Variants in KIAA1549L observed in about 807,000 individuals in gnomAD.
KIAA1549L encodes UPF0606 protein KIAA1549L.
A neutral mutation model predicts 160.7 loss-of-function variants in KIAA1549L; 88 were observed. The ratio of observed to expected loss-of-function variants is 0.55; its 90% CI spans 0.46 to 0.65. KIAA1549L has a LOEUF of 0.65. Ranked by LOEUF, KIAA1549L falls within the 30% of genes least tolerant of loss-of-function variation. The pLI, the probability that KIAA1549L is intolerant of heterozygous loss-of-function variation, is 0.00. For missense variants in KIAA1549L, 2,258 were observed against 2,437.5 expected (o/e 0.93, Z 1.55); for synonymous variants, 950 against 976.7 (o/e 0.97, Z 0.51).
At chr11:33,518,674 A>C (rs1853413145) in intron 1 of KIAA1549L, among the ~76,000 whole-genome samples, 1 of 152,170 alleles carries the variant, frequency 6.6e-6, no homozygotes, top group South Asian at 2.1e-4. Flanking sequence ...TGATATTATA[A>C]AGTCTGTTTT....
chr11:33,534,076 T>C (rs1006217928), intron 1 of KIAA1549L, among the ~76,000 whole-genome samples: 1 of 152,152 alleles, frequency 6.6e-6, no homozygotes, highest in Admixed American at 6.6e-5. Flanking sequence ...CTCATATGTG[T>C]AGGATTTACC....
chr11:33,471,421 G>C (rs1322949295), intron 1 of KIAA1549L, among the ~76,000 whole-genome samples: 1 of 151,908 alleles, frequency 6.6e-6, no homozygotes, highest in Non-Finnish European at 1.5e-5. Context: ...GAAGATTAAG[G>C]GGTCACTTGG....
chr11:33,664,381 C>A (rs1179851455), intron 20 of KIAA1549L, among the ~76,000 whole-genome samples: 4 of 152,182 alleles, frequency 2.6e-5, no homozygotes, highest in Non-Finnish European at 4.4e-5. Context: ...ATCTCAGGAA[C>A]CTGCCTTCTC....
At chr11:33,562,310 C>T (rs992482116) in intron 8 of KIAA1549L, among the ~76,000 whole-genome samples, 29 of 152,122 alleles carry the variant, frequency 1.9e-4, no homozygotes, top group Admixed American at 1.8e-3. Flanking sequence ...ACAGTAGTTT[C>T]GGGATTGAGA....
In KIAA1549L at chr11:33,544,210, G is replaced by A. The variant is rs1049446695; in HGVS notation, c.2647G>A (p.Ala883Thr). The A allele has an allele frequency of 1.9e-6, 3 of 1,614,020 alleles. No homozygotes were observed. Residue 883 changes from alanine to threonine, a missense_variant, in exon 2 of 21, where the codon GCT (alanine) becomes ACT (threonine). Physicochemically the swap from Ala to Thr is moderately conservative, Grantham distance 58 (BLOSUM62 0). Transcript: ENST00000658780. Reference sequence around the variant, plus strand: ...CATCAATTCATCACCTGAGAGAAATGCTTCCACACCATTCCAGAACATCTT... The same window carrying A: ...CATCAATTCATCACCTGAGAGAAATACTTCCACACCATTCCAGAACATCTT... ...SDINSSPERN[A>T]STPFQNILGY...
chr11:33,530,414 G>T (rs1344688609), intron 1 of KIAA1549L, among the ~76,000 whole-genome samples: 1 of 16,568 alleles, frequency 6.0e-5, no homozygotes, highest in Non-Finnish European at 1.2e-4. Context: ...GAAGAAGAAG[G>T]AAAAAAAAAA....
chr11:33,456,062 AT>A (rs1851814624), intron 1 of KIAA1549L, among the ~76,000 whole-genome samples: 2 of 152,218 alleles, frequency 1.3e-5, no homozygotes, highest in Admixed American at 1.3e-4. Flanking sequence ...AGATAATGGC[AT>A]TCAATTACAG....
chr11:33,477,986 A>G (rs1318957640), intron 1 of KIAA1549L, among the ~76,000 whole-genome samples: 1 of 152,242 alleles, frequency 6.6e-6, no homozygotes, highest in Admixed American at 6.5e-5. Context: ...AACTACAGGT[A>G]AGACAAGAGG....
intron 16 of KIAA1549L, among the ~76,000 whole-genome samples, chr11:33,630,705 G>A (rs189944985): frequency 0.021 from 3,213 of 152,276 alleles, 131 homozygotes; most frequent in African/African-American, 0.073. Flanking sequence ...AGATGAACCC[G>A]GTACCTCAGA....
intron 1 of KIAA1549L, among the ~76,000 whole-genome samples, chr11:33,539,428 G>C (rs1445719439): frequency 6.6e-6 from 1 of 152,176 alleles, no homozygotes; most frequent in Non-Finnish European, 1.5e-5. Context: ...GGGTAAGGTA[G>C]ATTATGTTTC....
chr11:33,497,977 C>G lies in KIAA1549L; in HGVS notation c.239-43825C>G, dbSNP rs16924378. Among the ~76,000 whole-genome samples the G allele has an allele frequency of 2.9e-4, 44 of 152,074 alleles. No homozygotes were observed. The South Asian group carries it at 6.9e-3, about 24-fold the overall frequency. ...AAAACTTACTGGAGTTTCTCTGAAC[C>G]TTATCTCCTCATCTATAAATACTAG... On this transcript the variant is annotated intron_variant, in intron 1 of 20. Coordinates refer to ENST00000658780, the MANE Select transcript of KIAA1549L (RefSeq NM_012194.3).
intron 13 of KIAA1549L, among the ~76,000 whole-genome samples, chr11:33,604,117 A>G (rs1476515923): frequency 6.6e-6 from 1 of 152,222 alleles, no homozygotes; most frequent in East Asian, 1.9e-4. Flanking sequence ...ATCTATTGCC[A>G]TGTAACAAAT....
chr11:33,651,213 C>T lies in KIAA1549L; in HGVS notation c.5761-4799C>T, dbSNP rs143760813. 7.0e-3 allele frequency among the ~76,000 whole-genome samples: 1,060 copies of T among 152,166 alleles called. 16 individuals are homozygous for T. The highest frequency in any genetic ancestry group is 0.024 in the African/African-American group (1,007 of 41,512). Reference sequence around the variant, plus strand: ...TGAAACTCTGATAAGAATAGTCAGGCGGATCACAAGGTCAGGAGTGCAAGA... The same window carrying T: ...TGAAACTCTGATAAGAATAGTCAGGTGGATCACAAGGTCAGGAGTGCAAGA... On this transcript the variant is annotated intron_variant, in intron 17 of 20. Transcript: ENST00000658780.
chr11:33,669,558 T>G lies in KIAA1549L; in HGVS notation c.*1404T>G, dbSNP rs1852601998. The G allele has an allele frequency of 6.6e-6, 1 of 152,296 alleles. No homozygotes were observed. Among genetic ancestry groups the G allele is most frequent in the Admixed American group, 6.5e-5 (1 of 15,290 alleles). The allele number at this position is 152,296 out of a possible 1,614,324, so 9.4% of individuals were successfully genotyped here. On this transcript the variant is annotated 3_prime_UTR_variant, in exon 21 of 21. Coordinates refer to ENST00000658780, the MANE Select transcript of KIAA1549L (RefSeq NM_012194.3). ...GTTGGAGAATGAGGTCCTGTCCTGC[T>G]TTCACCCATGACCCATCTAGCTTCA...
intron 1 of KIAA1549L, among the ~76,000 whole-genome samples, chr11:33,520,024 G>T (rs1411942331): frequency 1.3e-5 from 2 of 150,462 alleles, no homozygotes; most frequent in Admixed American, 1.3e-4. Context: ...ATAACTTGAT[G>T]TGTTTGGAAA....
Position 33,542,162 on chromosome 11 carries a change from GCAT to G in KIAA1549L, c.600_602del (p.Ser200_Met201delinsArg), listed in dbSNP as rs2133173197. On this transcript the variant is annotated inframe_deletion, in exon 2 of 21. Coordinates refer to ENST00000658780, the MANE Select transcript of KIAA1549L (RefSeq NM_012194.3). ...GATGTGTCAGGTTTGCCTCTCACCA[GCAT>G]GCTCCCCTCGTTGTCCACAGTCCCA... 1.7e-6 allele frequency: 1 copy of G among 601,572 alleles called. No homozygotes were observed. The highest frequency in any genetic ancestry group is 3.6e-5 in the East Asian group (1 of 27,658). 37.3% of individuals were successfully genotyped at this position (601,572 alleles called of 1,614,324 possible).
chr11:33,470,910 GGAA>G (rs1325032728), intron 1 of KIAA1549L, among the ~76,000 whole-genome samples: 1 of 152,196 alleles, frequency 6.6e-6, no homozygotes. Context: ...GGCTGCAGGA[GGAA>G]GTAGGCAGTG....
intron 20 of KIAA1549L, among the ~76,000 whole-genome samples, chr11:33,661,419 G>A (rs770324817): frequency 2.1e-4 from 32 of 152,186 alleles, no homozygotes; most frequent in Non-Finnish European, 4.0e-4. Context: ...AATCAGGGCC[G>A]AGTCAGGGGA....
At chr11:33,382,437 A>G (rs1850090643) in intron 1 of KIAA1549L, among the ~76,000 whole-genome samples, 1 of 152,166 alleles carries the variant, frequency 6.6e-6, no homozygotes, top group Non-Finnish European at 1.5e-5. Context: ...AGATGGTTCA[A>G]GAGAGAAAGG....
Sources: allele counts gnomAD v4.1 joint callset (sites outside exome capture counted in the v4.1 genomes callset), GRCh38; gene constraint gnomAD v4.1.1; transcripts MANE v1.5; gene names NCBI Gene and HGNC (gene_info 2026-07-23, HGNC 2026-07-21).